PLA2G5: variants seen among roughly 807,000 people sequenced by gnomAD.
The protein encoded by PLA2G5 is phospholipase A2 group V.
A neutral mutation model predicts 15.9 loss-of-function variants in PLA2G5; 12 were observed. That is an observed-to-expected ratio of 0.76 (90% CI 0.48 to 1.23). The LOEUF (loss-of-function observed/expected upper bound fraction) is 1.23. Ranked by LOEUF, PLA2G5 falls within the 50% of genes most tolerant of loss-of-function variation. The pLI, the probability that PLA2G5 is intolerant of heterozygous loss-of-function variation, is 0.00. For synonymous variants in PLA2G5, 71 were observed against 71.4 expected, an observed-to-expected ratio of 0.99 and a Z score of 0.03; for missense variants, 169 against 177.1, an observed-to-expected ratio of 0.95 and a Z score of 0.26.
intron 3 of PLA2G5, among the ~76,000 whole-genome samples, chr1:20,088,045 C>T (rs1354354765): frequency 2.0e-5 from 3 of 152,180 alleles, no homozygotes; most frequent in Non-Finnish European, 2.9e-5. Flanking sequence ...AACTGCCACA[C>T]CCAAGAGGAG....
In PLA2G5 at chr1:20,064,009, A is replaced by G. The variant is rs144503872; in HGVS notation, n.337+4317A>G. On this transcript the variant is annotated intron_variant and non_coding_transcript_variant, in intron 2 of 6. Transcript: ENST00000460175. The stretch of plus-strand genomic sequence containing the variant: ...TGATCGCCTCTAGAATGCAAAATGC[A>G]CTTGACTTATGCAAATACCAACACT... Among the ~76,000 whole-genome samples, 1,244 of 152,312 alleles carry G rather than the reference A, an allele frequency of 8.2e-3. 21 individuals are homozygous for G. The highest frequency in any genetic ancestry group is 0.028 in the African/African-American group (1,163 of 41,568).
At chr1:20,072,035 G>C (rs2015401463) in intron 1 of PLA2G5, among the ~76,000 whole-genome samples, 1 of 152,108 alleles carries the variant, frequency 6.6e-6, no homozygotes, top group Non-Finnish European at 1.5e-5. Context: ...TTGAACCCAG[G>C]TGGCGGAGGT....
At chr1:20,087,683 CAT>C (rs368772437) in intron 3 of PLA2G5, among the ~76,000 whole-genome samples, 44 of 151,440 alleles carry the variant, frequency 2.9e-4, no homozygotes, top group Admixed American at 3.3e-4. Context: ...CCTTCCAAGT[CAT>C]ATATATATAT....
chr1:20,084,544 A>G (rs2016189838), intron 1 of PLA2G5, among the ~76,000 whole-genome samples: 1 of 152,148 alleles, frequency 6.6e-6, no homozygotes, highest in Non-Finnish European at 1.5e-5. Flanking sequence ...CATTTTGCCA[A>G]CGGGGTGAGT....
intron 2 of PLA2G5, among the ~76,000 whole-genome samples, chr1:20,062,839 C>G (rs1338979097): frequency 1.3e-5 from 2 of 152,060 alleles, no homozygotes. Context: ...GTAAGGCAGC[C>G]AGATGAGTTC....
chr1:20,090,423 C>T (rs1175323968), intron 4 of PLA2G5, 145 bp from the exon 5 acceptor site: 3 of 793,660 alleles, frequency 3.8e-6, no homozygotes, highest in African/African-American at 1.7e-5. Flanking sequence ...GTGCCCCTTC[C>T]ATCAGATTCT....
intron 1 of PLA2G5, among the ~76,000 whole-genome samples, chr1:20,038,924 A>G (rs979430607): frequency 1.3e-5 from 2 of 152,082 alleles, no homozygotes; most frequent in African/African-American, 4.8e-5. Context: ...TTTCCCCACA[A>G]TGGGGGTAAC....
chr1:20,076,203 G>A (rs1434278045), intron 1 of PLA2G5, among the ~76,000 whole-genome samples: 1 of 152,106 alleles, frequency 6.6e-6, no homozygotes, highest in African/African-American at 2.4e-5. Context: ...GGATCTCTTA[G>A]CATTTATACA....
intron 1 of PLA2G5, among the ~76,000 whole-genome samples, chr1:20,029,364 C>T (rs549808643): frequency 6.8e-6 from 1 of 147,944 alleles, no homozygotes; most frequent in African/African-American, 2.6e-5. Context: ...CCTCCGCTGA[C>T]ATGTTCCTCC....
At position 20,090,681 on chromosome 1, in the gene PLA2G5, C is replaced by T. The variant is rs147667870; in HGVS notation, c.406C>T (p.Leu136Phe). Residue 136 changes from leucine to phenylalanine, a missense_variant, in exon 5 of 5, where the codon CTC (leucine) becomes TTC (phenylalanine). By Grantham distance (22) the Leu-to-Phe change is conservative. Transcript: ENST00000375108. ...ACAGTACCAATACTTTCCCAACATCCTCTGCTCCTAGGCCTCCCCAGCGAG... is the reference window on the plus strand; with the variant it reads ...ACAGTACCAATACTTTCCCAACATCTTCTGCTCCTAGGCCTCCCCAGCGAG... ...NPQYQYFPNI[L>F]CS is the part of the protein sequence containing the mutation. The T allele has an allele frequency of 1.2e-6, 2 of 1,614,164 alleles. No homozygotes were observed. The highest frequency in any genetic ancestry group is 8.5e-7 in the Non-Finnish European group (1 of 1,179,992).
intron 3 of PLA2G5, 103 bp from the exon 4 acceptor site, chr1:20,089,686 G>C (rs764964976): frequency 5.0e-6 from 4 of 806,820 alleles, no homozygotes; most frequent in Non-Finnish European, 4.2e-6. Context: ...CGTCCACCAA[G>C]GTGGCCTCTG....
At chr1:20,056,540 C>T (rs2014442307) in intron 1 of PLA2G5, among the ~76,000 whole-genome samples, 2 of 152,140 alleles carry the variant, frequency 1.3e-5, no homozygotes, top group South Asian at 4.1e-4. Context: ...AATGTTGGAT[C>T]AGCCTTGTAT....
Position 20,090,499 on chromosome 1 carries a change from C to A in PLA2G5, c.293-69C>A, listed in dbSNP as rs1569850525. 3.2e-6 allele frequency: 5 copies of A among 1,557,940 alleles called. No homozygotes were observed. The East Asian group carries it at 1.1e-4, about 35-fold the overall frequency. On this transcript the variant is annotated intron_variant, in intron 4 of 4. Coordinates refer to ENST00000375108, the MANE Select transcript of PLA2G5 (RefSeq NM_000929.3). ...TGAAAGCTCCTCGGAGCAGGAAGTC[C>A]ATGGGGTCTCTGCTGAGACTGGAGC...
At chr1:20,074,036 C>T (rs2015529795) in intron 1 of PLA2G5, among the ~76,000 whole-genome samples, 1 of 152,012 alleles carries the variant, frequency 6.6e-6, no homozygotes, top group South Asian at 2.1e-4. Flanking sequence ...ACGGTCAGTG[C>T]CATGAAGGGG....
intron 1 of PLA2G5, among the ~76,000 whole-genome samples, chr1:20,046,683 C>A (rs868670347): frequency 1.3e-5 from 2 of 152,272 alleles, no homozygotes; most frequent in South Asian, 2.1e-4. Flanking sequence ...AATGAGCTGA[C>A]CTTTTTGGCT....
chr1:20,063,661 G>A (rs1327901467), intron 2 of PLA2G5: 1 of 152,262 alleles, frequency 6.6e-6, no homozygotes. Context: ...TGAAGAGCAA[G>A]GCCCTGATTT....
intron 1 of PLA2G5, among the ~76,000 whole-genome samples, chr1:20,040,540 A>T (rs1334248031): frequency 6.6e-6 from 1 of 151,660 alleles, no homozygotes; most frequent in Non-Finnish European, 1.5e-5. Context: ...AAGAGTGCTC[A>T]TTGCTAGTGG....
At position 20,039,201 on chromosome 1, in the gene PLA2G5, C is replaced by A. The variant is rs376724705; in HGVS notation, n.276+10492C>A. 4.6e-5 allele frequency among the ~76,000 whole-genome samples: 7 copies of A among 152,268 alleles called. No individual in the cohort carries two copies. In the East Asian group the frequency reaches 9.6e-4, roughly 21 times the overall value. The stretch of plus-strand genomic sequence containing the variant: ...CCTGAATTGTAGCTGTGATTTTGCT[C>A]CAGAGGAGAGGGCTTCTCTGAGAAA... On this transcript the variant is annotated intron_variant and non_coding_transcript_variant, in intron 1 of 6. Transcript: ENST00000460175.
At chr1:20,090,109 C>T (rs1373089431) in intron 4 of PLA2G5, among the ~76,000 whole-genome samples, 3 of 152,152 alleles carry the variant, frequency 2.0e-5, no homozygotes, top group African/African-American at 7.2e-5. Flanking sequence ...CTTCCTTTTT[C>T]TTGATTCCCC....
Sources: allele counts gnomAD v4.1 joint callset (sites outside exome capture counted in the v4.1 genomes callset), GRCh38; gene constraint gnomAD v4.1.1; transcripts MANE v1.5; gene names NCBI Gene and HGNC (gene_info 2026-07-23, HGNC 2026-07-21).